Variants in C20orf203 observed in about 807,000 individuals in gnomAD.
The protein encoded by C20orf203 is uncharacterized protein C20orf203.
Under a neutral mutation model 15.9 loss-of-function variants are expected in C20orf203, and 16 were observed. The observed-to-expected ratio is 1.01, with a 90% CI of 0.68 to 1.53. The LOEUF is 1.53. Ranked by LOEUF, C20orf203 falls within the 40% of genes most tolerant of loss-of-function variation. The probability of loss-of-function intolerance (pLI) is 0.00; values close to 1 mark genes in which losing one functional copy is unlikely to be tolerated. For missense variants in C20orf203, 263 were observed against 247.5 expected (o/e 1.06, Z -0.42); for synonymous variants, 98 against 97.2 (o/e 1.01, Z -0.05).
Position 32,631,632 on chromosome 20 carries a change from G to A in C20orf203, c.*3938C>T, listed in dbSNP as rs1455272739. 6.6e-6 allele frequency: 1 copy of A among 152,176 alleles called. No homozygotes were observed. The highest frequency in any genetic ancestry group is 1.5e-5 in the Non-Finnish European group (1 of 68,030). 9.4% of individuals were successfully genotyped at this position (152,176 alleles called of 1,614,324 possible). A position where few individuals can be genotyped will look rare whatever the true frequency, so the allele number is the denominator to read the frequency against. On this transcript the variant is annotated 3_prime_UTR_variant, in exon 6 of 6. Coordinates refer to ENST00000608990, the MANE Select transcript of C20orf203 (RefSeq NM_182584.4). Reference sequence around the variant, plus strand: ...AGAATGGGGCTCAGGAGGTAAAGAGGAATTACATGGCCTTTTATTCACTAC... The same window carrying A: ...AGAATGGGGCTCAGGAGGTAAAGAGAAATTACATGGCCTTTTATTCACTAC...
intron 4 of C20orf203, among the ~76,000 whole-genome samples, chr20:32,642,181 A>T (rs1467507782): frequency 1.3e-5 from 2 of 152,156 alleles, no homozygotes; most frequent in Non-Finnish European, 2.9e-5. Context: ...AGTTGTTGGA[A>T]GTAGCATTTA....
intron 1 of C20orf203, among the ~76,000 whole-genome samples, chr20:32,666,169 A>AAAAAAAAAGAAAAAAAAAAAAAT (rs1983019211): frequency 6.6e-6 from 1 of 150,842 alleles, no homozygotes; most frequent in Non-Finnish European, 1.5e-5. Flanking sequence ...AAAAAAAAAA[A>AAAAAAAAAGAAAAAAAAAAAAAT]AAAAAAAAGA....
chr20:32,661,202 A>G (rs924428841), intron 1 of C20orf203, among the ~76,000 whole-genome samples: 1 of 152,072 alleles, frequency 6.6e-6, no homozygotes, highest in African/African-American at 2.4e-5. Flanking sequence ...CCTGTTCTCC[A>G]CTCATTCATA....
At chr20:32,672,374 A>G (rs553602326) in intron 1 of C20orf203, among the ~76,000 whole-genome samples, 1 of 152,096 alleles carries the variant, frequency 6.6e-6, no homozygotes, top group South Asian at 2.1e-4. Flanking sequence ...ATACACACAC[A>G]TAAAATATAT....
intron 5 of C20orf203, among the ~76,000 whole-genome samples, chr20:32,636,225 C>T (rs369985815): frequency 2.6e-5 from 4 of 152,170 alleles, no homozygotes; most frequent in African/African-American, 9.7e-5. Context: ...ATTTGTTTCC[C>T]GCCTCCAATA....
Position 32,655,048 on chromosome 20 carries a change from T to C in C20orf203, c.-263-3067A>G, listed in dbSNP as rs367609361. 3.9e-5 allele frequency among the ~76,000 whole-genome samples: 6 copies of C among 152,194 alleles called. No individual in the cohort carries two copies. The East Asian group carries it at 5.8e-4, about 15-fold the overall frequency. On this transcript the variant is annotated intron_variant, in intron 1 of 5. Transcript: ENST00000608990. ...AGCCGCAAGAGCCGAACATATTTAA[T>C]GGTGGAGTTCAATGGGGAAAACAGA...
At chr20:32,639,245 T>G (rs1391483548) in intron 5 of C20orf203, among the ~76,000 whole-genome samples, 1 of 152,214 alleles carries the variant, frequency 6.6e-6, no homozygotes, top group Non-Finnish European at 1.5e-5. Context: ...CTCTTTGAGA[T>G]ATGGGAACAG....
chr20:32,634,342 C>T (rs1276448889), intron 5 of C20orf203, 72 bp from the exon 6 acceptor site: 1 of 397,290 alleles, frequency 2.5e-6, no homozygotes, highest in African/African-American at 2.1e-5. Context: ...ACATCATGGA[C>T]AAAGCGGTGG....
At position 32,650,357 on chromosome 20, in the gene C20orf203, G is replaced by C; in HGVS notation, c.*75C>G. 1 of 1,076,228 alleles carries C rather than the reference G, an allele frequency of 9.3e-7. No individual in the cohort carries two copies. Among genetic ancestry groups the C allele is most frequent in the East Asian group, 2.6e-5 (1 of 38,636 alleles). The allele number at this position is 1,076,228 out of a possible 1,614,324, so 66.7% of individuals were successfully genotyped here. ...AGAATGATTGTGGGGGGTGGTAACA[G>C]GGGACACCCTGAGGTGGTGGTGGCC... On this transcript the variant is annotated 3_prime_UTR_variant, in exon 4 of 6. Coordinates refer to ENST00000608990, the MANE Select transcript of C20orf203 (RefSeq NM_182584.4).
At chr20:32,654,894 T>A (rs1218168292) in intron 1 of C20orf203, among the ~76,000 whole-genome samples, 2 of 152,162 alleles carry the variant, frequency 1.3e-5, no homozygotes, top group African/African-American at 2.4e-5. Context: ...ACACTTCCAA[T>A]TTCAAAAATT....
intron 1 of C20orf203, among the ~76,000 whole-genome samples, chr20:32,668,119 C>G (rs546306788): frequency 2.1e-4 from 32 of 152,302 alleles, no homozygotes; most frequent in African/African-American, 7.2e-4. Context: ...TTCATCCGGA[C>G]ACCAGAGCAT....
At chr20:32,648,328 C>T (rs1392397353) in intron 4 of C20orf203, among the ~76,000 whole-genome samples, 2 of 151,896 alleles carry the variant, frequency 1.3e-5, no homozygotes, top group East Asian at 3.9e-4. Context: ...CCCTCAGAGG[C>T]TCTCCTGGAC....
intron 4 of C20orf203, among the ~76,000 whole-genome samples, chr20:32,642,442 G>C (rs1982308917): frequency 6.6e-6 from 1 of 152,212 alleles, no homozygotes; most frequent in Non-Finnish European, 1.5e-5. Context: ...AGACCAAGAA[G>C]TCCACACCCC....
At chr20:32,658,564 ATTACAGGAGTGAACT>A (rs1006942582) in intron 1 of C20orf203, among the ~76,000 whole-genome samples, 19 of 152,006 alleles carry the variant, frequency 1.2e-4, no homozygotes, top group African/African-American at 4.3e-4. Flanking sequence ...AAGGGCTGGG[ATTACAGGAGTGAACT>A]ACCACACCCA....
chr20:32,632,050 G>A lies in C20orf203; in HGVS notation c.*3520C>T, dbSNP rs1265846157. The A allele has an allele frequency of 6.6e-6, 1 of 152,332 alleles. No homozygotes were observed. The highest frequency in any genetic ancestry group is 1.5e-5 in the Non-Finnish European group (1 of 68,112). The allele number at this position is 152,332 out of a possible 1,614,324, so 9.4% of individuals were successfully genotyped here. A position where few individuals can be genotyped will look rare whatever the true frequency, so the allele number is the denominator to read the frequency against. The stretch of plus-strand genomic sequence containing the variant: ...TTCAGAATTGGCCAGAGGGCGACCT[G>A]AGACATGCAGGCAGAGAAGGGAGCC... On this transcript the variant is annotated 3_prime_UTR_variant, in exon 6 of 6. Transcript: ENST00000608990.
chr20:32,636,436 C>T (rs1292354591), intron 5 of C20orf203, among the ~76,000 whole-genome samples: 1 of 152,182 alleles, frequency 6.6e-6, no homozygotes, highest in Non-Finnish European at 1.5e-5. Context: ...CACGGCGCTG[C>T]TCCCCTCTGC....
At chr20:32,643,999 G>A (rs1378365468) in intron 4 of C20orf203, among the ~76,000 whole-genome samples, 2 of 152,154 alleles carry the variant, frequency 1.3e-5, no homozygotes, top group African/African-American at 4.8e-5. Flanking sequence ...GAGTGGGAAG[G>A]CCACACCAGG....
At position 32,666,797 on chromosome 20, in the gene C20orf203, T is replaced by TTTTATATATATATATA. The variant is rs367964394; in HGVS notation, c.-264+6834_-264+6835insTATATATATATATAAA. ...AAAAAAAGATGAAATTAATTTTAATTTATATATATATATATATATATATAT... is the reference window on the plus strand; with the variant it reads ...AAAAAAAGATGAAATTAATTTTAATTTTTATATATATATATATATATATATATATATATATATATAT... On this transcript the variant is annotated intron_variant, in intron 1 of 5. Coordinates refer to ENST00000608990, the MANE Select transcript of C20orf203 (RefSeq NM_182584.4). Among the ~76,000 whole-genome samples, 77 of 65,616 alleles carry TTTTATATATATATATA rather than the reference T, an allele frequency of 1.2e-3. 5 individuals carry two copies. Among genetic ancestry groups the TTTTATATATATATATA allele is most frequent in the Non-Finnish European group, 2.0e-3 (55 of 27,986 alleles). 43.0% of individuals were successfully genotyped at this position (65,616 alleles called of 152,430 possible).
chr20:32,654,349 T>A (rs1446503452), intron 1 of C20orf203, among the ~76,000 whole-genome samples: 2 of 152,126 alleles, frequency 1.3e-5, no homozygotes, highest in African/African-American at 4.8e-5. Flanking sequence ...AAAGATGCCA[T>A]AAATAAATGG....
Sources: gnomAD v4.1 joint callset for allele counts (sites outside exome capture counted in the v4.1 genomes callset) on GRCh38, gnomAD v4.1.1 for gene constraint, MANE v1.5 for transcripts, NCBI Gene and HGNC (gene_info 2026-07-23, HGNC 2026-07-21) for gene names.